The following NRK variants were observed in gnomAD, a reference collection of about 807,000 sequenced individuals.
NRK encodes the protein Nik related kinase, also known as nik-related protein kinase.
A neutral mutation model predicts 125.2 loss-of-function variants in NRK; 67 were observed. The observed-to-expected ratio is 0.54, with a 90% CI of 0.44 to 0.66. NRK has a LOEUF of 0.66. Ranked by LOEUF, NRK falls within the 30% of genes least tolerant of loss-of-function variation. The pLI is 0.00. For synonymous variants in NRK, 458 were observed against 429.0 expected, an observed-to-expected ratio of 1.07 and a Z score of -0.84; for missense variants, 1,224 against 1,192.9, an observed-to-expected ratio of 1.03 and a Z score of -0.38.
At chrX:105,841,648 G>A (rs2039332794) in intron 2 of NRK, among the ~76,000 whole-genome samples, 1 of 111,223 alleles carries the variant, frequency 9.0e-6, no homozygotes, top group Non-Finnish European at 1.9e-5. Flanking sequence ...ACTCTGAAGA[G>A]AAAACAAAAC....
intron 12 of NRK, 144 bp from the exon 13 acceptor site, chrX:105,908,583 C>G: frequency 1.3e-6 from 1 of 761,901 alleles, no homozygotes; most frequent in Non-Finnish European, 1.8e-6. Flanking sequence ...TTTCAGACAT[C>G]AAGGGAATGA....
intron 19 of NRK, among the ~76,000 whole-genome samples, chrX:105,931,284 C>T (rs1049810403): frequency 4.5e-5 from 5 of 112,125 alleles, no homozygotes; most frequent in Admixed American, 2.8e-4. Context: ...ACAGTGTTTA[C>T]TGGCCCCCAG....
intron 2 of NRK, among the ~76,000 whole-genome samples, chrX:105,869,241 C>T (rs1030227787): frequency 9.0e-6 from 1 of 111,378 alleles, no homozygotes; most frequent in Non-Finnish European, 1.9e-5. Context: ...TTAGGGGCTA[C>T]AATGAGGACT....
intron 2 of NRK, among the ~76,000 whole-genome samples, chrX:105,862,836 G>T (rs1211347416): frequency 8.9e-6 from 1 of 111,993 alleles, no homozygotes; most frequent in Admixed American, 9.5e-5. Context: ...TTTGTTTCCA[G>T]TGGGCAATAC....
intron 2 of NRK, among the ~76,000 whole-genome samples, chrX:105,871,041 C>A (rs1319840162): frequency 9.0e-6 from 1 of 111,569 alleles, no homozygotes; most frequent in Non-Finnish European, 1.9e-5. Context: ...TCACATGTCC[C>A]CATAGTTGAT....
At chrX:105,953,649 A>G (rs139732466) in intron 28 of NRK, among the ~76,000 whole-genome samples, 1 of 111,976 alleles carries the variant, frequency 8.9e-6, no homozygotes, top group East Asian at 2.8e-4. Flanking sequence ...AGCTATCTCA[A>G]TTGATCTTCA....
intron 2 of NRK, among the ~76,000 whole-genome samples, chrX:105,865,471 G>C (rs906218227): frequency 3.6e-5 from 4 of 111,283 alleles, no homozygotes; most frequent in Admixed American, 9.6e-5. Flanking sequence ...AGAGTACTTT[G>C]GTTGTGTGAA....
chrX:105,871,956 G>A (rs999163595), intron 2 of NRK, among the ~76,000 whole-genome samples: 1 of 111,513 alleles, frequency 9.0e-6, no homozygotes, highest in African/African-American at 3.3e-5. Context: ...TGTTTGACCT[G>A]AAAGTTGTAG....
In NRK at chrX:105,860,797, A is replaced by T. The variant is rs190425853; in HGVS notation, c.124-19402A>T. ...TATTCATGTCGTAGTATGAATCAGG[A>T]CATTATTTTTTCTTATAGCTAAATA... On this transcript the variant is annotated intron_variant, in intron 2 of 28. Transcript: ENST00000243300. 2.4e-3 allele frequency among the ~76,000 whole-genome samples: 270 copies of T among 111,286 alleles called. 2 individuals carry two copies. Among genetic ancestry groups the T allele is most frequent in the African/African-American group, 8.6e-3 (265 of 30,699 alleles).
At chrX:105,927,644 A>G (rs889095764) in intron 19 of NRK, among the ~76,000 whole-genome samples, 1 of 111,461 alleles carries the variant, frequency 9.0e-6, no homozygotes, top group Non-Finnish European at 1.9e-5. Flanking sequence ...GTTTTGAGGT[A>G]TGTTACTTCC....
At chrX:105,850,500 C>G (rs1418764299) in intron 2 of NRK, among the ~76,000 whole-genome samples, 1 of 112,326 alleles carries the variant, frequency 8.9e-6, no homozygotes, top group African/African-American at 3.2e-5. Context: ...ATGGGTTTTT[C>G]TTCTCTGCTG....
At chrX:105,908,201 A>C in intron 11 of NRK, 39 bp from the exon 12 acceptor site, 1 of 786,156 alleles carries the variant, frequency 1.3e-6, no homozygotes, top group African/African-American at 2.1e-5. Context: ...TTATCTGCTG[A>C]CTGTTTATGC....
chrX:105,861,909 A>C (rs1156419376), intron 2 of NRK, among the ~76,000 whole-genome samples: 1 of 110,990 alleles, frequency 9.0e-6, no homozygotes, highest in African/African-American at 3.3e-5. Context: ...ATACAAAAAA[A>C]AAAATTAGCC....
intron 1 of NRK, among the ~76,000 whole-genome samples, chrX:105,826,323 TA>T (rs2039107344): frequency 1.2e-5 from 1 of 86,547 alleles, no homozygotes; most frequent in Admixed American, 1.5e-4. Flanking sequence ...ATATATTTCA[TA>T]TATATAATAG....
intron 4 of NRK, among the ~76,000 whole-genome samples, chrX:105,883,395 C>T (rs1341014669): frequency 5.4e-5 from 6 of 111,953 alleles, no homozygotes; most frequent in Admixed American, 1.9e-4. Context: ...TATCTTGAAT[C>T]CTTTAGGATA....
In NRK at chrX:105,908,733, C is replaced by G; in HGVS notation, c.1092C>G (p.Pro364=). 1 of 1,193,716 alleles carries G rather than the reference C, an allele frequency of 8.4e-7. No individual in the cohort carries two copies. The highest frequency in any genetic ancestry group is 3.0e-5 in the East Asian group (1 of 33,501). The part of the protein sequence containing the change: ...EQYTVRRFRG[P]SCTHELLRLP... ...ATTTGTGTGTTTATTTTAGAGGACCCTCTTGCACTCACGAGCTTCTGAGAT... is the reference window on the plus strand; with the variant it reads ...ATTTGTGTGTTTATTTTAGAGGACCGTCTTGCACTCACGAGCTTCTGAGAT... Residue 364 remains proline (P), a synonymous_variant, in exon 13 of 29, where the codon CCC becomes CCG. Coordinates refer to ENST00000243300, the MANE Select transcript of NRK (RefSeq NM_198465.4).
intron 2 of NRK, among the ~76,000 whole-genome samples, chrX:105,861,869 C>A (rs1469332211): frequency 9.3e-6 from 1 of 107,335 alleles, no homozygotes; most frequent in African/African-American, 3.5e-5. Context: ...CCAGCCTGAC[C>A]AACATGATAA....
chrX:105,925,025 A>G lies in NRK; in HGVS notation c.3306A>G (p.Leu1102=), dbSNP rs942161850. The G allele has an allele frequency of 5.9e-6, 7 of 1,186,143 alleles. No individual in the cohort carries two copies. The highest frequency in any genetic ancestry group is 5.7e-6 in the Non-Finnish European group (5 of 875,442). The part of the protein sequence containing the change: ...KRPASQDFEY[L]QEEPGGGNEA... ...CTGCGTCTCAGGACTTTGAATATCTACAGGAGGTAATGCACCATTTGAAAA... is the reference window on the plus strand; with the variant it reads ...CTGCGTCTCAGGACTTTGAATATCTGCAGGAGGTAATGCACCATTTGAAAA... The change falls in exon 19 of 29, where the codon CTA becomes CTG. Residue 1102 remains leucine, a synonymous_variant. Transcript: ENST00000243300.
intron 28 of NRK, among the ~76,000 whole-genome samples, chrX:105,954,987 T>G (rs1433708162): frequency 9.0e-6 from 1 of 111,639 alleles, no homozygotes; most frequent in Non-Finnish European, 1.9e-5. Flanking sequence ...AACATCATTT[T>G]GTTTGTGATA....
Sources: gnomAD v4.1 joint callset for allele counts (sites outside exome capture counted in the v4.1 genomes callset) on GRCh38, gnomAD v4.1.1 for gene constraint, MANE v1.5 for transcripts, NCBI Gene and HGNC (gene_info 2026-07-23, HGNC 2026-07-21) for gene names.